Variants in LRPPRC observed in about 807,000 individuals in gnomAD.
LRPPRC encodes the protein leucine-rich PPR motif-containing protein, mitochondrial.
A neutral mutation model predicts 180.3 loss-of-function variants in LRPPRC; 120 were observed. The observed-to-expected ratio is 0.67, with a 90% CI of 0.57 to 0.77. The LOEUF is 0.77. Ranked by LOEUF, LRPPRC falls within the 30% of genes least tolerant of loss-of-function variation. The pLI is 0.00. For synonymous variants in LRPPRC, 723 were observed against 600.0 expected, an observed-to-expected ratio of 1.21 and a Z score of -3.00; for missense variants, 2,012 against 1,657.2, an observed-to-expected ratio of 1.21 and a Z score of -3.72.
intron 1 of LRPPRC, 74 bp from the exon 2 acceptor site, chr2:43,982,508 A>C (rs1674357988): frequency 8.9e-7 from 1 of 1,129,540 alleles, no homozygotes; most frequent in South Asian, 1.3e-5. Flanking sequence ...AACTTAAACA[A>C]ATTTTAAAAT....
intron 27 of LRPPRC, among the ~76,000 whole-genome samples, chr2:43,919,193 C>G (rs1671607621): frequency 6.6e-6 from 1 of 152,148 alleles, no homozygotes; most frequent in African/African-American, 2.4e-5. Flanking sequence ...GAGAATCTAA[C>G]TAATGCCTGA....
At chr2:43,915,220 TCTCTCTCTCTCTCACA>T (rs1289800902) in intron 29 of LRPPRC, among the ~76,000 whole-genome samples, 13 of 105,028 alleles carry the variant, frequency 1.2e-4, no homozygotes, top group African/African-American at 5.1e-4. Context: ...TCTCTCTCTC[TCTCTCTCTCTCTCACA>T]CACACACACA....
intron 23 of LRPPRC, among the ~76,000 whole-genome samples, chr2:43,939,411 T>C (rs981529607): frequency 6.6e-6 from 1 of 152,220 alleles, no homozygotes; most frequent in African/African-American, 2.4e-5. Context: ...GCAATTTATG[T>C]AACAGGCTTC....
At chr2:43,978,432 T>C (rs539979407) in intron 3 of LRPPRC, among the ~76,000 whole-genome samples, 1 of 152,304 alleles carries the variant, frequency 6.6e-6, no homozygotes, top group South Asian at 2.1e-4. Flanking sequence ...AGAATGTTAA[T>C]ATAATAACAC....
At chr2:43,900,572 G>A (rs186489830) in intron 32 of LRPPRC, among the ~76,000 whole-genome samples, 2 of 152,008 alleles carry the variant, frequency 1.3e-5, no homozygotes, top group Admixed American at 6.5e-5. Flanking sequence ...TCTTATTAAA[G>A]GGAAGTTCTA....
At chr2:43,919,497 T>C (rs1374842716) in intron 27 of LRPPRC, among the ~76,000 whole-genome samples, 2 of 152,216 alleles carry the variant, frequency 1.3e-5, no homozygotes, top group African/African-American at 4.8e-5. Context: ...CTTCTTAGAT[T>C]TCTTATCTCA....
At position 43,979,912 on chromosome 2, in the gene LRPPRC, CGTA is replaced by C; in HGVS notation, c.380_382del (p.Leu127del). ...TTCAGGCAAGAGAGAACCACAACTA[CGTA>C]GTAGAAGCAAGGCATGACTACCACC... On this transcript the variant is annotated inframe_deletion, in exon 3 of 38. Transcript: ENST00000260665. 1.2e-6 allele frequency: 2 copies of C among 1,613,742 alleles called. No homozygotes were observed. Among genetic ancestry groups the C allele is most frequent in the South Asian group, 1.1e-5 (1 of 91,074 alleles).
intron 34 of LRPPRC, among the ~76,000 whole-genome samples, chr2:43,898,241 C>G (rs997504537): frequency 1.3e-5 from 2 of 152,038 alleles, no homozygotes; most frequent in African/African-American, 4.8e-5. Flanking sequence ...TCAGGTATTC[C>G]TTTTAAAAAT....
At chr2:43,978,766 A>T (rs1382033256) in intron 3 of LRPPRC, among the ~76,000 whole-genome samples, 1 of 152,088 alleles carries the variant, frequency 6.6e-6, no homozygotes, top group Non-Finnish European at 1.5e-5. Context: ...TTTTTCACAT[A>T]GGTCCTACTC....
At position 43,894,077 on chromosome 2, in the gene LRPPRC, T is replaced by C. The variant is rs78076561; in HGVS notation, c.3985+468A>G. ...AATTTGAACTGGGACGTAAAAACCT[T>C]GGGCTACTTTTTAATCAAGGGTCTG... On this transcript the variant is annotated intron_variant, in intron 36 of 37. Coordinates refer to ENST00000260665, the MANE Select transcript of LRPPRC (RefSeq NM_133259.4). 9.1e-3 allele frequency among the ~76,000 whole-genome samples: 1,391 copies of C among 152,148 alleles called. 21 individuals carry two copies. Among genetic ancestry groups the C allele is most frequent in the African/African-American group, 0.032 (1,315 of 41,500 alleles).
chr2:43,932,234 A>C (rs1326058538), intron 25 of LRPPRC, among the ~76,000 whole-genome samples: 1 of 151,918 alleles, frequency 6.6e-6, no homozygotes, highest in Non-Finnish European at 1.5e-5. Flanking sequence ...AAACAAAAAA[A>C]CAGGTGATAT....
chr2:43,958,670 C>A lies in LRPPRC; in HGVS notation c.1583-1219G>T, dbSNP rs536284440. On this transcript the variant is annotated intron_variant, in intron 13 of 37. Transcript: ENST00000260665. Reference sequence around the variant, plus strand: ...CATGTGATCAAATTAGTTTTCCATGCCTACAAACACAAGTGGGAAAATGTT... The same window carrying A: ...CATGTGATCAAATTAGTTTTCCATGACTACAAACACAAGTGGGAAAATGTT... Among the ~76,000 whole-genome samples the A allele has an allele frequency of 1.9e-4, 29 of 152,286 alleles. No homozygotes were observed. The South Asian group carries it at 5.8e-3, about 30-fold the overall frequency.
chr2:43,981,423 G>A (rs149965273), intron 2 of LRPPRC, among the ~76,000 whole-genome samples: 2 of 152,272 alleles, frequency 1.3e-5, no homozygotes, highest in African/African-American at 2.4e-5. Flanking sequence ...CACTTTGGGA[G>A]GCCAAGGCGG....
At chr2:43,915,228 TCTCTCACACA>T (rs60765418) in intron 29 of LRPPRC, among the ~76,000 whole-genome samples, 4,906 of 61,506 alleles carry the variant, frequency 0.08, 134 homozygotes, top group East Asian at 0.41. Flanking sequence ...TCTCTCTCTC[TCTCTCACACA>T]CACACACACA....
chr2:43,896,590 G>A (rs747050627), intron 35 of LRPPRC, 44 bp downstream of exon 35: 11 of 1,168,424 alleles, frequency 9.4e-6, no homozygotes, highest in Non-Finnish European at 1.4e-5. Flanking sequence ...TCTGAGCAAG[G>A]CACGTACAGT....
At chr2:43,931,011 T>C (rs956453589) in intron 25 of LRPPRC, among the ~76,000 whole-genome samples, 10 of 152,186 alleles carry the variant, frequency 6.6e-5, no homozygotes, top group African/African-American at 2.4e-4. Flanking sequence ...ATTCTTTTTT[T>C]TCCAAGACCA....
chr2:43,973,488 C>A, intron 11 of LRPPRC, 119 bp downstream of exon 11: 1 of 736,558 alleles, frequency 1.4e-6, no homozygotes, highest in East Asian at 2.6e-5. Context: ...AAAACAATTC[C>A]ATTATCTCAT....
chr2:43,926,472 A>C (rs1254397077), intron 25 of LRPPRC, among the ~76,000 whole-genome samples: 1 of 152,074 alleles, frequency 6.6e-6, no homozygotes, highest in African/African-American at 2.4e-5. Context: ...GGTTCAAGTA[A>C]TTCTCCTGCC....
At chr2:43,898,555 T>C (rs554797867) in intron 34 of LRPPRC, among the ~76,000 whole-genome samples, 1 of 152,288 alleles carries the variant, frequency 6.6e-6, no homozygotes, top group East Asian at 1.9e-4. Context: ...CACCCACTGT[T>C]CTGTCGGCAC....
Sources: allele counts gnomAD v4.1 joint callset (sites outside exome capture counted in the v4.1 genomes callset), GRCh38; gene constraint gnomAD v4.1.1; transcripts MANE v1.5; gene names NCBI Gene and HGNC (gene_info 2026-07-23, HGNC 2026-07-21).